SPTBN5: variants seen among roughly 807,000 people sequenced by gnomAD.
The protein encoded by SPTBN5 is spectrin beta chain, non-erythrocytic 5.
SPTBN5 carries 513 observed loss-of-function variants against 477.6 expected under a neutral mutation model. The observed-to-expected ratio is 1.07, with a 90% confidence interval of 1.00 to 1.16. SPTBN5 has a LOEUF of 1.16. Among genes scored for constraint, SPTBN5 ranks in the 50% most tolerant of loss-of-function variants. SPTBN5 has a pLI of 0.00. For synonymous variants in SPTBN5, 2,169 were observed against 2,011.7 expected, an observed-to-expected ratio of 1.08 and a Z score of -2.09; for missense variants, 5,062 against 4,731.8, an observed-to-expected ratio of 1.07 and a Z score of -2.05.
chr15:41,892,406 G>A (rs528633603), intron 3 of SPTBN5, among the ~76,000 whole-genome samples: 78 of 152,102 alleles, frequency 5.1e-4, no homozygotes, highest in African/African-American at 1.8e-3. Flanking sequence ...TTTCTTTCAG[G>A]TGACTCTGCC....
In SPTBN5 at chr15:41,878,649, GCA is replaced by G. The variant is rs1265191287; in HGVS notation, c.3183-22_3183-21del. On this transcript the variant is annotated intron_variant, in intron 16 of 67. Coordinates refer to ENST00000320955, the MANE Select transcript of SPTBN5 (RefSeq NM_016642.4). The stretch of plus-strand genomic sequence containing the variant: ...TCGACCCTGGGAGACAGGGTGCGCT[GCA>G]CAGTCAGTGCCCTGTCCTGGGCCTG... The G allele has an allele frequency of 1.9e-6, 3 of 1,601,430 alleles. No individual in the cohort carries two copies. The highest frequency in any genetic ancestry group is 2.2e-5 in the South Asian group (2 of 89,846).
Position 41,878,454 on chromosome 15 carries a change from T to C in SPTBN5, c.3358A>G (p.Ser1120Gly), listed in dbSNP as rs1341047740. 3 of 1,613,608 alleles carry C rather than the reference T, an allele frequency of 1.9e-6. No individual in the cohort carries two copies. Among genetic ancestry groups the C allele is most frequent in the Non-Finnish European group, 2.5e-6 (3 of 1,179,850 alleles). ...ESQQLLLWAE[S>G]VQAQLRSKEV... ...TTGCTGCGCAGCTGAGCCTGGACAC[T>C]CTCTGCCCACAGTAGCAGTTGCTGG... Residue 1120 changes from serine to glycine, a missense_variant, in exon 17 of 68, where the codon AGT becomes GGT. By Grantham distance (56) the Ser-to-Gly change is moderately conservative. Transcript: ENST00000320955.
At position 41,878,550 on chromosome 15, in the gene SPTBN5, G is replaced by A. The variant is rs377157510; in HGVS notation, c.3262C>T (p.Gln1088Ter). The A allele has an allele frequency of 5.0e-6, 8 of 1,612,750 alleles. No homozygotes were observed. Among genetic ancestry groups the A allele is most frequent in the African/African-American group, 1.3e-5 (1 of 74,934 alleles). ...CGGGCCCGTTGGGCCACTTGTTCCT[G>A]TACTTGCTTCAGCAGCCCCTGCAGT... The part of the protein sequence containing the change: ...ETLQGLLKQV[Q>*]EQVAQRARRQ... Residue 1088 changes from glutamine to a stop codon, truncating the protein, a stop_gained, in exon 17 of 68, where the codon CAG becomes TAG. Coordinates refer to ENST00000320955, the MANE Select transcript of SPTBN5 (RefSeq NM_016642.4). LOFTEE classifies it high-confidence loss of function.
At chr15:41,855,011 G>A in intron 55 of SPTBN5, 35 bp from the exon 56 acceptor site, 3 of 1,505,590 alleles carry the variant, frequency 2.0e-6, no homozygotes, top group Non-Finnish European at 2.7e-6. Flanking sequence ...GGTCACTTGA[G>A]ATGGTATCAT....
rs1417635768 is a variant in SPTBN5, at chr15:41,866,499, G to T, written c.6481-6C>A. ...GCCTGGATCCAGTCCTCAGCCTGGT[G>T]GGGGTGGGACATGAATGCTGCAATG... On this transcript the variant is annotated splice_region_variant and splice_polypyrimidine_tract_variant and intron_variant, in intron 36 of 67. Transcript: ENST00000320955. 2.6e-6 allele frequency: 4 copies of T among 1,554,128 alleles called. No homozygotes were observed. The highest frequency in any genetic ancestry group is 2.7e-5 in the African/African-American group (2 of 72,756).
intron 63 of SPTBN5, 147 bp from the exon 64 acceptor site, chr15:41,851,516 G>A (rs537500207): frequency 9.7e-6 from 6 of 619,616 alleles, no homozygotes; most frequent in African/African-American, 5.6e-5. Context: ...AGCCACAGAG[G>A]GGCTCTGACG....
chr15:41,878,786 C>T (rs2066837967), intron 16 of SPTBN5, among the ~76,000 whole-genome samples, 157 bp from the exon 17 acceptor site: 1 of 152,250 alleles, frequency 6.6e-6, no homozygotes, highest in African/African-American at 2.4e-5. Flanking sequence ...ACATAGGGCT[C>T]GCCAGGTGCA....
At chr15:41,863,473 G>A (rs2066187413) in intron 41 of SPTBN5, among the ~76,000 whole-genome samples, 1 of 152,208 alleles carries the variant, frequency 6.6e-6, no homozygotes, top group South Asian at 2.1e-4. Context: ...GGAGAAAGGA[G>A]ACAGGGAATC....
Position 41,867,707 on chromosome 15 carries a change from C to T in SPTBN5, c.6208-65G>A, listed in dbSNP as rs1192751239. The T allele has an allele frequency of 9.4e-6, 14 of 1,490,936 alleles. No individual in the cohort carries two copies. In the East Asian group the frequency reaches 2.9e-4, roughly 31 times the overall value. The allele number at this position is 1,490,936 out of a possible 1,614,324, so 92.4% of individuals were successfully genotyped here. A position where few individuals can be genotyped will look rare whatever the true frequency, so the allele number is the denominator to read the frequency against. The stretch of plus-strand genomic sequence containing the variant: ...GCCAGCCAGCCCCTCCAGCTGCAGT[C>T]TGTGCCCATGGGCACTCTGGGTATG... On this transcript the variant is annotated intron_variant, in intron 34 of 67. Coordinates refer to ENST00000320955, the MANE Select transcript of SPTBN5 (RefSeq NM_016642.4).
At position 41,868,747 on chromosome 15, in the gene SPTBN5, C is replaced by A. The variant is rs945709620; in HGVS notation, c.5854-146G>T. 9 of 696,800 alleles carry A rather than the reference C, an allele frequency of 1.3e-5. No homozygotes were observed. The East Asian group carries it at 1.9e-4, about 15-fold the overall frequency. 43.2% of individuals were successfully genotyped at this position (696,800 alleles called of 1,614,324 possible). ...AGGGCCTCGGGTGAGGCACATGTGG[C>A]CCTTTGTCACTTGGTTTCTCCGTTC... On this transcript the variant is annotated intron_variant, in intron 32 of 67. Transcript: ENST00000320955.
In SPTBN5 at chr15:41,854,763, C is replaced by T. The variant is rs1321879474; in HGVS notation, c.9618+19G>A. On this transcript the variant is annotated intron_variant, in intron 56 of 67. Coordinates refer to ENST00000320955, the MANE Select transcript of SPTBN5 (RefSeq NM_016642.4). ...AGACTCTGACACCCCTTAGCTTGGC[C>T]CGGCCTGTGATCACCTACCTCTGTG... The T allele has an allele frequency of 5.4e-6, 8 of 1,482,648 alleles. No individual in the cohort carries two copies. Among genetic ancestry groups the T allele is most frequent in the South Asian group, 1.4e-5 (1 of 70,156 alleles). 91.8% of individuals were successfully genotyped at this position (1,482,648 alleles called of 1,614,324 possible).
intron 53 of SPTBN5, 148 bp from the exon 54 acceptor site, chr15:41,855,893 T>A: frequency 1.2e-6 from 1 of 811,160 alleles, no homozygotes. Flanking sequence ...AGCAGCCTCA[T>A]CTGGTCCGGA....
At chr15:41,853,188 G>GGGCCCTGA in intron 59 of SPTBN5, 70 bp downstream of exon 59, 2 of 1,522,838 alleles carry the variant, frequency 1.3e-6, no homozygotes, top group South Asian at 1.3e-5. Context: ...TGCCTGTGAG[G>GGGCCCTGA]GGCCCTGAGG....
intron 57 of SPTBN5, 91 bp from the exon 58 acceptor site, chr15:41,853,878 AC>A (rs2065855354): frequency 7.0e-7 from 1 of 1,429,922 alleles, no homozygotes; most frequent in Non-Finnish European, 9.3e-7. Context: ...CTGAGGAACC[AC>A]CTCCACTCTG....
intron 40 of SPTBN5, 39 bp downstream of exon 40, chr15:41,863,868 CCT>C (rs2066206998): frequency 1.2e-6 from 2 of 1,613,044 alleles, no homozygotes; most frequent in African/African-American, 2.7e-5. Context: ...GCCTTCCACC[CCT>C]CTTCCCGGCC....
rs1342093295 is a variant in SPTBN5, at chr15:41,856,902, T to G, written c.8759A>C (p.Asp2920Ala). The G allele has an allele frequency of 2.6e-6, 4 of 1,552,750 alleles. No individual in the cohort carries two copies. The East Asian group carries it at 9.7e-5, about 38-fold the overall frequency. Residue 2920 changes from aspartate to alanine, a missense_variant, in exon 52 of 68, where the codon GAC (aspartate) becomes GCC (alanine). By Grantham distance (126) the Asp-to-Ala change is moderately radical. Coordinates refer to ENST00000320955, the MANE Select transcript of SPTBN5 (RefSeq NM_016642.4). ...CACCGCACTCAGGCTCTGGCCATAG[T>G]CCTGGGCAGCGGCCAGAGGCAGCTT... ...QEKLPLAAAQDYGQSLSAVRH... is the reference protein window; with the variant it reads ...QEKLPLAAAQAYGQSLSAVRH...
rs1033666040 is a variant in SPTBN5, at chr15:41,848,481, A to G, written c.*135T>C. 32 of 1,027,844 alleles carry G rather than the reference A, an allele frequency of 3.1e-5. No homozygotes were observed. Among genetic ancestry groups the G allele is most frequent in the Admixed American group, 2.1e-4 (12 of 57,850 alleles). 63.7% of individuals were successfully genotyped at this position (1,027,844 alleles called of 1,614,324 possible). ...CTAACCAGAAGGAACTGTCTATTCC[A>G]GAAGCTGGGCCTGGGGAACTGGGTT... On this transcript the variant is annotated 3_prime_UTR_variant, in exon 68 of 68. Transcript: ENST00000320955.
chr15:41,882,944 T>C, intron 9 of SPTBN5, 52 bp downstream of exon 9: 4 of 1,486,800 alleles, frequency 2.7e-6, no homozygotes, highest in Non-Finnish European at 3.6e-6. Context: ...GGAGATAATT[T>C]GGGTTACAGA....
In SPTBN5 at chr15:41,866,992, C is replaced by A; in HGVS notation, c.6447G>T (p.Leu2149=). The part of the protein sequence containing the change: ...ESRGHALHAS[L]LMASFTQAAT... ...CGGCCTGGGTGAAGCTGGCCATCAG[C>A]AGGGAGGCATGCAGGGCGTGTCCCC... Residue 2149 remains leucine (L), a synonymous_variant, in exon 36 of 68, where the codon CTG becomes CTT. Transcript: ENST00000320955. The A allele has an allele frequency of 6.4e-7, 1 of 1,570,390 alleles. No homozygotes were observed. The highest frequency in any genetic ancestry group is 8.6e-7 in the Non-Finnish European group (1 of 1,158,176).
Sources: allele counts gnomAD v4.1 joint callset (sites outside exome capture counted in the v4.1 genomes callset), GRCh38; gene constraint gnomAD v4.1.1; transcripts MANE v1.5; gene names NCBI Gene and HGNC (gene_info 2026-07-23, HGNC 2026-07-21).